CTTN: variants seen among roughly 807,000 people sequenced by gnomAD.
The protein encoded by CTTN is cortactin.
CTTN carries 28 observed loss-of-function variants against 84.0 expected under a neutral mutation model. That is an observed-to-expected ratio of 0.33 (90% confidence interval 0.25 to 0.46). CTTN has a LOEUF of 0.46. CTTN is among the 20% of genes least tolerant of loss of function. The pLI is 1.00. For synonymous variants in CTTN, 301 were observed against 288.8 expected (o/e 1.04, Z -0.43); for missense variants, 641 against 723.8 (o/e 0.89, Z 1.31).
chr11:70,425,408 C>A lies in CTTN; in HGVS notation c.1027+7C>A, dbSNP rs1270126821. The A allele has an allele frequency of 1.2e-6, 2 of 1,606,952 alleles. No individual in the cohort carries two copies. Among genetic ancestry groups the A allele is most frequent in the Non-Finnish European group, 1.7e-6 (2 of 1,175,590 alleles). ...ACAGTACCTGTCGAAGCTGGTGAGT[C>A]CCGGCTGATACCAGGAGCACCGTGT... On this transcript the variant is annotated splice_region_variant and intron_variant, in intron 13 of 17. Transcript: ENST00000301843.
chr11:70,422,654 C>T (rs567099643), intron 11 of CTTN: 40 of 1,393,898 alleles, frequency 2.9e-5, no homozygotes, highest in Admixed American at 4.3e-5. Flanking sequence ...CCTCTTTCCT[C>T]GCTTAGCTCC....
rs534593509 is a variant in CTTN, at chr11:70,426,695, C to T, written c.1027+1294C>T. On this transcript the variant is annotated intron_variant, in intron 13 of 17. Transcript: ENST00000301843. ...CCTCCCATCCCGGGTTCACGGCATT[C>T]TCCTGCCTCAAGCCTCCGGAGTAGC... is the stretch of plus-strand genomic sequence containing the variant. 2.6e-5 allele frequency among the ~76,000 whole-genome samples: 4 copies of T among 151,780 alleles called. No individual in the cohort carries two copies. In the East Asian group the frequency reaches 8.1e-4, roughly 31 times the overall value.
intron 6 of CTTN, among the ~76,000 whole-genome samples, 167 bp downstream of exon 6, chr11:70,414,819 CAGAG>C (rs890089300): frequency 6.6e-6 from 1 of 152,160 alleles, no homozygotes; most frequent in Non-Finnish European, 1.5e-5. Flanking sequence ...CCTGGGCTCT[CAGAG>C]AGAGGAAGCA....
chr11:70,424,526 G>A (rs1000243801), intron 12 of CTTN, among the ~76,000 whole-genome samples: 1 of 152,090 alleles, frequency 6.6e-6, no homozygotes, highest in African/African-American at 2.4e-5. Flanking sequence ...TACAACCCAG[G>A]CTGGGAGGTG....
chr11:70,401,134 G>T (rs879180003), intron 1 of CTTN, among the ~76,000 whole-genome samples: 2 of 151,912 alleles, frequency 1.3e-5, no homozygotes, highest in Non-Finnish European at 2.9e-5. Flanking sequence ...CAGGAGTTTC[G>T]AGATCAGCCT....
rs372540489 is a variant in CTTN at position 70,435,012 on chromosome 11, G to T, written c.1517-14G>T. The T allele has an allele frequency of 1.9e-6, 3 of 1,613,530 alleles. No homozygotes were observed. The highest frequency in any genetic ancestry group is 2.2e-5 in the South Asian group (2 of 91,076). On this transcript the variant is annotated splice_polypyrimidine_tract_variant and intron_variant, in intron 17 of 17. Transcript: ENST00000301843. ...CTTGCACTTCAGCATCTTTCTCTGT[G>T]TTCTCTTCCCCAGCGGGCGATGATG...
At chr11:70,420,610 C>G (rs2058222137) in intron 10 of CTTN, 100 bp downstream of exon 10, 11 of 844,446 alleles carry the variant, frequency 1.3e-5, no homozygotes, top group Non-Finnish European at 2.2e-5. Context: ...GCCTGCTGCA[C>G]ATTGTTTTGT....
At position 70,407,425 on chromosome 11, in the gene CTTN, G is replaced by A. The variant is rs573575194; in HGVS notation, c.87+41G>A. 8.1e-6 allele frequency: 13 copies of A among 1,612,740 alleles called. No individual in the cohort carries two copies. In the African/African-American group the frequency reaches 1.7e-4, roughly 22 times the overall value. On this transcript the variant is annotated intron_variant, in intron 3 of 17. Transcript: ENST00000301843. ...CTTTGCTTTCCTCTTTCATGAAGTG[G>A]AAGTGGCTCTCCTGGGTTTTTCTTT...
At chr11:70,408,629 G>A (rs994247031) in intron 4 of CTTN, among the ~76,000 whole-genome samples, 2 of 152,080 alleles carry the variant, frequency 1.3e-5, no homozygotes, top group African/African-American at 2.4e-5. Context: ...TGAACTCCTG[G>A]GCTCAGGTGA....
chr11:70,412,656 A>G (rs1011656029), intron 5 of CTTN, among the ~76,000 whole-genome samples: 8 of 152,200 alleles, frequency 5.3e-5, no homozygotes, highest in African/African-American at 1.2e-4. Flanking sequence ...GCCTGAGCAC[A>G]CTGCACCTTT....
In CTTN at chr11:70,414,631, C is replaced by T. The variant is rs1240332463; in HGVS notation, c.381C>T (p.Val127=). Residue 127 remains valine (V), a synonymous_variant, in exon 6 of 18, where the codon GTC becomes GTT. Coordinates refer to ENST00000301843, the MANE Select transcript of CTTN (RefSeq NM_005231.4). ...SVRGFGGKFG[V]QMDRVDQSAV... ...GTGGCTTCGGAGGCAAGTTTGGTGT[C>T]CAGATGGACAGAGTTGATCAGGTGA... is the stretch of plus-strand genomic sequence containing the variant. The T allele has an allele frequency of 6.8e-6, 11 of 1,613,862 alleles. No individual in the cohort carries two copies. The highest frequency in any genetic ancestry group is 9.3e-6 in the Non-Finnish European group (11 of 1,179,736).
rs1265539390 is a variant in CTTN, at chr11:70,436,452, T to A, written c.*1290T>A. ...AGGTGCATTTTCTCATCATCCTTGCTTTACCACAATGAGCAATGAGGTCGG... is the reference window on the plus strand; with the variant it reads ...AGGTGCATTTTCTCATCATCCTTGCATTACCACAATGAGCAATGAGGTCGG... On this transcript the variant is annotated 3_prime_UTR_variant, in exon 18 of 18. Transcript: ENST00000301843. 1 of 1,568,518 alleles carries A rather than the reference T, an allele frequency of 6.4e-7. No homozygotes were observed. The highest frequency in any genetic ancestry group is 8.7e-7 in the Non-Finnish European group (1 of 1,154,252).
chr11:70,403,297 T>A (rs1281663163), intron 1 of CTTN, among the ~76,000 whole-genome samples: 1 of 108,184 alleles, frequency 9.2e-6, no homozygotes, highest in Non-Finnish European at 1.8e-5. Flanking sequence ...CAAGCAGTTC[T>A]CCTGCTTCAG....
chr11:70,399,464 G>C (rs2057950003), intron 1 of CTTN, among the ~76,000 whole-genome samples: 1 of 152,072 alleles, frequency 6.6e-6, no homozygotes, highest in Non-Finnish European at 1.5e-5. Context: ...GGAGCAGCTG[G>C]GGATCCGCCC....
At chr11:70,415,882 C>CAGAGT in intron 7 of CTTN, 165 bp downstream of exon 7, 1 of 663,378 alleles carries the variant, frequency 1.5e-6, no homozygotes, top group South Asian at 1.7e-5. Context: ...GAGGACTCTG[C>CAGAGT]CCTCCTCTTC....
rs979893437 is a variant in CTTN, at chr11:70,435,418, T to G, written c.*256T>G. 6.6e-7 allele frequency: 1 copy of G among 1,507,102 alleles called. No individual in the cohort carries two copies. The highest frequency in any genetic ancestry group is 1.4e-5 in the African/African-American group (1 of 70,760). 93.4% of individuals were successfully genotyped at this position (1,507,102 alleles called of 1,614,324 possible). ...GGACTTTGGTAATTGGTTTTATGCA[T>G]TGATGGTTTTTTTTTTCTTTTTTGC... is the stretch of plus-strand genomic sequence containing the variant. On this transcript the variant is annotated 3_prime_UTR_variant, in exon 18 of 18. Transcript: ENST00000301843.
chr11:70,428,153 C>CT lies in CTTN; in HGVS notation c.1028-867dup, dbSNP rs60189081. 2.9e-3 allele frequency among the ~76,000 whole-genome samples: 180 copies of CT among 62,600 alleles called. 8 individuals carry two copies. Among genetic ancestry groups the CT allele is most frequent in the African/African-American group, 5.1e-3 (101 of 19,920 alleles). The allele number at this position is 62,600 out of a possible 152,430, so 41.1% of individuals were successfully genotyped here. A position where few individuals can be genotyped will look rare whatever the true frequency, so the allele number is the denominator to read the frequency against. On this transcript the variant is annotated intron_variant, in intron 13 of 17. Coordinates refer to ENST00000301843, the MANE Select transcript of CTTN (RefSeq NM_005231.4). ...CAGGGAAGGCTCATGTGTCTTCCCA[C>CT]TTTTTTTTTTTTTTTTTTTTTTTTT... is the stretch of plus-strand genomic sequence containing the variant.
Position 70,420,513 on chromosome 11 carries a change from A to G in CTTN, c.790+3A>G. On this transcript the variant is annotated splice_donor_region_variant and intron_variant, in intron 10 of 17. Transcript: ENST00000301843. ...GCAGCTGCATGAATCCCAAAAAGGT[A>G]CATTCACTCTGCCTGTATGCGAGAT... The G allele has an allele frequency of 6.2e-7, 1 of 1,603,794 alleles. No homozygotes were observed. Among genetic ancestry groups the G allele is most frequent in the Non-Finnish European group, 8.5e-7 (1 of 1,170,562 alleles).
In CTTN at chr11:70,436,481, T is replaced by C. The variant is rs2058418585; in HGVS notation, c.*1319T>C. On this transcript the variant is annotated 3_prime_UTR_variant, in exon 18 of 18. Transcript: ENST00000301843. ...CCACAATGAGCAATGAGGTCGGGTT[T>C]TATATGCAACTTATTGTATCTGAAT... 1 of 1,331,888 alleles carries C rather than the reference T, an allele frequency of 7.5e-7. No individual in the cohort carries two copies. The highest frequency in any genetic ancestry group is 1.2e-5 in the South Asian group (1 of 81,202). 82.5% of individuals were successfully genotyped at this position (1,331,888 alleles called of 1,614,324 possible). A position where few individuals can be genotyped will look rare whatever the true frequency, so the allele number is the denominator to read the frequency against.
Sources: gnomAD v4.1 joint callset for allele counts (sites outside exome capture counted in the v4.1 genomes callset) on GRCh38, gnomAD v4.1.1 for gene constraint, MANE v1.5 for transcripts, NCBI Gene and HGNC (gene_info 2026-07-23, HGNC 2026-07-21) for gene names.